PTPRD: variants seen among roughly 807,000 people sequenced by gnomAD.
PTPRD encodes receptor-type tyrosine-protein phosphatase delta.
PTPRD carries 34 observed loss-of-function variants against 214.5 expected under a neutral mutation model. The observed-to-expected ratio is 0.16, with a 90% CI of 0.12 to 0.21. The LOEUF is 0.21. Among genes scored for constraint, PTPRD ranks in the 10% least tolerant of loss-of-function variants. The pLI is 1.00. For synonymous variants in PTPRD, 1,128 were observed against 845.7 expected, an observed-to-expected ratio of 1.33 and a Z score of -5.79; for missense variants, 2,545 against 2,398.7, an observed-to-expected ratio of 1.06 and a Z score of -1.27.
chr9:10,474,644 T>C (rs763266149), intron 2 of PTPRD, among the ~76,000 whole-genome samples: 4 of 152,006 alleles, frequency 2.6e-5, no homozygotes, highest in Admixed American at 6.6e-5. Flanking sequence ...ATCTAATAGA[T>C]ATGTATAGAA....
At chr9:8,848,997 A>G (rs1039682147) in intron 11 of PTPRD, among the ~76,000 whole-genome samples, 1 of 151,982 alleles carries the variant, frequency 6.6e-6, no homozygotes, top group Non-Finnish European at 1.5e-5. Flanking sequence ...TATTACAACT[A>G]TTACATATCA....
intron 35 of PTPRD, among the ~76,000 whole-genome samples, chr9:8,429,383 A>G (rs1383869759): frequency 6.6e-6 from 1 of 152,140 alleles, no homozygotes; most frequent in Non-Finnish European, 1.5e-5. Flanking sequence ...GTGAAACCAC[A>G]TGATCTCTGT....
intron 3 of PTPRD, among the ~76,000 whole-genome samples, chr9:10,255,823 CT>C (rs762723997): frequency 3.9e-5 from 6 of 152,104 alleles, no homozygotes; most frequent in Non-Finnish European, 7.4e-5. Context: ...CTATTATTTA[CT>C]TTTAAAACTG....
rs747581490 is a variant in PTPRD at position 8,521,404 on chromosome 9, A to C, written c.834T>G (p.Pro278=). The change falls in exon 20 of 46, where the codon CCT becomes CCG. Residue 278 remains proline, a synonymous_variant. Coordinates refer to ENST00000381196, the MANE Select transcript of PTPRD (RefSeq NM_002839.4). The part of the protein sequence containing the change: ...KWMLGAEDLT[P]EDDMPIGRNV... ...TTCTTCCTATTGGCATATCATCTTC[A>C]GGTGTCAGATCTTCTGCCCCCAACA... The C allele has an allele frequency of 4.3e-6, 7 of 1,613,912 alleles. No homozygotes were observed. The highest frequency in any genetic ancestry group is 5.1e-6 in the Non-Finnish European group (6 of 1,179,966).
At chr9:10,333,275 C>T (rs915571030) in intron 3 of PTPRD, among the ~76,000 whole-genome samples, 2 of 151,770 alleles carry the variant, frequency 1.3e-5, no homozygotes, top group Non-Finnish European at 2.9e-5. Flanking sequence ...GGGTTGAAGT[C>T]ACCCAGGAAC....
At chr9:10,396,403 T>C (rs1002175753) in intron 2 of PTPRD, among the ~76,000 whole-genome samples, 6 of 152,012 alleles carry the variant, frequency 3.9e-5, no homozygotes, top group Admixed American at 2.0e-4. Flanking sequence ...TATTGGCCTA[T>C]TGGACTCAAA....
At chr9:9,103,305 T>C (rs2099793840) in intron 10 of PTPRD, among the ~76,000 whole-genome samples, 1 of 152,190 alleles carries the variant, frequency 6.6e-6, no homozygotes, top group African/African-American at 2.4e-5. Context: ...GTTTGTTTTT[T>C]TTTCCATTGC....
At chr9:9,591,110 G>A (rs1391487106) in intron 7 of PTPRD, among the ~76,000 whole-genome samples, 1 of 151,976 alleles carries the variant, frequency 6.6e-6, no homozygotes, top group Non-Finnish European at 1.5e-5. Flanking sequence ...TAAAATAGGA[G>A]GATTGTCTGG....
rs79411729 is a variant in PTPRD at position 10,224,617 on chromosome 9, T to C, written c.-545+116346A>G. ...AAGTCATTTAACCATTTTTTAAGTA[T>C]AATATTGATAGTTTCTTGTTAGAAA... On this transcript the variant is annotated intron_variant, in intron 3 of 45. Transcript: ENST00000381196. Among the ~76,000 whole-genome samples, 559 of 152,174 alleles carry C rather than the reference T, an allele frequency of 3.7e-3. 3 individuals are homozygous for C. The highest frequency in any genetic ancestry group is 0.013 in the African/African-American group (538 of 41,550).
intron 35 of PTPRD, among the ~76,000 whole-genome samples, chr9:8,435,110 C>T (rs2381800): frequency 0.37 from 56,645 of 152,036 alleles, 10,640 homozygotes; most frequent in South Asian, 0.49. Flanking sequence ...AGTATGCAAA[C>T]TGAATGAAAC....
Position 9,702,219 on chromosome 9 carries a change from C to T in PTPRD, c.-287+32314G>A, listed in dbSNP as rs527739739. Among the ~76,000 whole-genome samples, 32 of 152,146 alleles carry T rather than the reference C, an allele frequency of 2.1e-4. 2 individuals are homozygous for T. In the South Asian group the frequency reaches 2.3e-3, roughly 11 times the overall value. On this transcript the variant is annotated intron_variant, in intron 7 of 45. Coordinates refer to ENST00000381196, the MANE Select transcript of PTPRD (RefSeq NM_002839.4). Reference sequence around the variant, plus strand: ...AGAACATTTATGGGAGTCATATGAACGAAGACATAGTTGAAGTCACTTAGG... The same window carrying T: ...AGAACATTTATGGGAGTCATATGAATGAAGACATAGTTGAAGTCACTTAGG...
At chr9:8,578,790 A>T (rs1166129086) in intron 14 of PTPRD, among the ~76,000 whole-genome samples, 1 of 152,236 alleles carries the variant, frequency 6.6e-6, no homozygotes, top group African/African-American at 2.4e-5. Context: ...ACTTAAACAG[A>T]ATTTCCATGT....
At chr9:9,991,642 T>C (rs933396935) in intron 4 of PTPRD, among the ~76,000 whole-genome samples, 2 of 152,136 alleles carry the variant, frequency 1.3e-5, no homozygotes, top group Admixed American at 6.5e-5. Flanking sequence ...ACTACAGGCA[T>C]GAGCCACTGT....
chr9:9,511,809 A>G (rs1244731734), intron 8 of PTPRD, among the ~76,000 whole-genome samples: 1 of 151,796 alleles, frequency 6.6e-6, no homozygotes, highest in Non-Finnish European at 1.5e-5. Flanking sequence ...TCTGTAATGT[A>G]GGTCAAATGC....
intron 3 of PTPRD, among the ~76,000 whole-genome samples, chr9:10,201,774 G>A (rs294816): frequency 0.15 from 22,581 of 151,972 alleles, 1,996 homozygotes; most frequent in East Asian, 0.4. Context: ...GAATGTATGC[G>A]ATTATGATTT....
At chr9:8,511,430 T>C (rs1252282587) in intron 21 of PTPRD, among the ~76,000 whole-genome samples, 1 of 150,866 alleles carries the variant, frequency 6.6e-6, no homozygotes, top group Non-Finnish European at 1.5e-5. Context: ...TTCTCACTGG[T>C]ATTTTTTTTT....
chr9:8,380,610 ATTAAT>A (rs1431973146), intron 37 of PTPRD, among the ~76,000 whole-genome samples: 1 of 152,222 alleles, frequency 6.6e-6, no homozygotes, highest in Non-Finnish European at 1.5e-5. Flanking sequence ...ATGCAATGGA[ATTAAT>A]TTATTTTACC....
chr9:9,204,126 T>C (rs2099943429), intron 9 of PTPRD, among the ~76,000 whole-genome samples: 1 of 152,188 alleles, frequency 6.6e-6, no homozygotes, highest in African/African-American at 2.4e-5. Context: ...CAGATGTGAA[T>C]TCATCATGTG....
chr9:10,218,753 C>A (rs553556623), intron 3 of PTPRD, among the ~76,000 whole-genome samples: 2 of 151,496 alleles, frequency 1.3e-5, no homozygotes, highest in Non-Finnish European at 2.9e-5. Context: ...AAATAGGGAG[C>A]CTTGGTCTTG....
Sources: gnomAD v4.1 joint callset for allele counts (sites outside exome capture counted in the v4.1 genomes callset) on GRCh38, gnomAD v4.1.1 for gene constraint, MANE v1.5 for transcripts, NCBI Gene and HGNC (gene_info 2026-07-23, HGNC 2026-07-21) for gene names.